Variants in KCND2 observed in about 807,000 individuals in gnomAD.
The protein encoded by KCND2 is potassium voltage-gated channel subfamily D member 2, also known as A-type voltage-gated potassium channel KCND2.
Under a neutral mutation model 54.4 loss-of-function variants are expected in KCND2, and 16 were observed. That is an observed-to-expected ratio of 0.29 (90% confidence interval 0.20 to 0.45). The LOEUF is 0.45. Among genes scored for constraint, KCND2 ranks in the 20% least tolerant of loss-of-function variants. KCND2 has a pLI of 1.00. For synonymous variants in KCND2, 317 were observed against 310.7 expected, an observed-to-expected ratio of 1.02 and a Z score of -0.21; for missense variants, 486 against 824.2, an observed-to-expected ratio of 0.59 and a Z score of 5.02.
At chr7:120,484,745 G>A (rs1325275391) in intron 1 of KCND2, among the ~76,000 whole-genome samples, 3 of 149,498 alleles carry the variant, frequency 2.0e-5, no homozygotes, top group Non-Finnish European at 3.0e-5. Flanking sequence ...AGAATTTCTT[G>A]TGTAATGAAG....
At chr7:120,665,689 C>T (rs1192639206) in intron 1 of KCND2, among the ~76,000 whole-genome samples, 1 of 152,016 alleles carries the variant, frequency 6.6e-6, no homozygotes, top group East Asian at 1.9e-4. Flanking sequence ...TTGTTAAAGT[C>T]ATTTAATTTA....
intron 1 of KCND2, among the ~76,000 whole-genome samples, chr7:120,392,420 A>G (rs1253264270): frequency 6.6e-6 from 1 of 151,178 alleles, no homozygotes; most frequent in African/African-American, 2.4e-5. Context: ...TCCATATAAA[A>G]TTTAAAGTAG....
chr7:120,313,451 ATAT>A lies in KCND2; in HGVS notation c.1115+37710_1115+37712del, dbSNP rs372179923. ...TTATTCAATTTTTTTGTGAAAAGAA[ATAT>A]TATTAAAATTTTAAAACTACATTGT... On this transcript the variant is annotated intron_variant, in intron 1 of 5. Coordinates refer to ENST00000331113, the MANE Select transcript of KCND2 (RefSeq NM_012281.3). Among the ~76,000 whole-genome samples, 44 of 152,306 alleles carry A rather than the reference ATAT, an allele frequency of 2.9e-4. No homozygotes were observed. In the East Asian group the frequency reaches 7.3e-3, roughly 25 times the overall value.
intron 1 of KCND2, among the ~76,000 whole-genome samples, chr7:120,281,566 T>G (rs1799264643): frequency 6.6e-6 from 1 of 152,154 alleles, no homozygotes; most frequent in African/African-American, 2.4e-5. Flanking sequence ...TTCAGCCCCC[T>G]AAGCAAGCCT....
chr7:120,415,147 T>C (rs73722597), intron 1 of KCND2, among the ~76,000 whole-genome samples: 1,642 of 152,294 alleles, frequency 0.011, 31 homozygotes, highest in African/African-American at 0.038. Flanking sequence ...CTATCAACAT[T>C]GCCATGTAAT....
At chr7:120,582,053 A>G (rs573345571) in intron 1 of KCND2, among the ~76,000 whole-genome samples, 1 of 152,278 alleles carries the variant, frequency 6.6e-6, no homozygotes, top group Non-Finnish European at 1.5e-5. Flanking sequence ...AAAAAGAAAG[A>G]AAACCTTCAG....
chr7:120,589,016 A>T (rs1194213284), intron 1 of KCND2, among the ~76,000 whole-genome samples: 1 of 152,202 alleles, frequency 6.6e-6, no homozygotes, highest in African/African-American at 2.4e-5. Context: ...ACATTAACCA[A>T]AAAAGCCAGA....
chr7:120,362,006 A>C (rs1218717374), intron 1 of KCND2, among the ~76,000 whole-genome samples: 4 of 152,078 alleles, frequency 2.6e-5, no homozygotes, highest in Non-Finnish European at 4.4e-5. Context: ...AAAGCTAAAA[A>C]ATTATAACCA....
At chr7:120,345,328 A>G (rs1342678437) in intron 1 of KCND2, among the ~76,000 whole-genome samples, 3 of 152,210 alleles carry the variant, frequency 2.0e-5, no homozygotes, top group African/African-American at 7.2e-5. Flanking sequence ...ATGTCTGTTC[A>G]TCACATAACT....
chr7:120,361,265 A>G (rs1393181489), intron 1 of KCND2, among the ~76,000 whole-genome samples: 1 of 152,034 alleles, frequency 6.6e-6, no homozygotes, highest in Non-Finnish European at 1.5e-5. Flanking sequence ...TCTAACCTAA[A>G]AATTCTCCTT....
At position 120,595,591 on chromosome 7, in the gene KCND2, G is replaced by GTA. The variant is rs58301382; in HGVS notation, c.1116-137291_1116-137290dup. Among the ~76,000 whole-genome samples, 418 of 131,866 alleles carry GTA rather than the reference G, an allele frequency of 3.2e-3. 4 individuals are homozygous for GTA. The highest frequency in any genetic ancestry group is 0.024 in the East Asian group (110 of 4,650). 86.5% of individuals were successfully genotyped at this position (131,866 alleles called of 152,430 possible). ...TGTGTGTATATATATGTGTGTGTGT[G>GTA]TATATATATATATATATATATACAC... On this transcript the variant is annotated intron_variant, in intron 1 of 5. Transcript: ENST00000331113.
rs375239098 is a variant in KCND2 at position 120,746,043 on chromosome 7, C to T, written c.1715+16C>T. 2.0e-5 allele frequency: 32 copies of T among 1,611,152 alleles called. No individual in the cohort carries two copies. Among genetic ancestry groups the T allele is most frequent in the Non-Finnish European group, 2.7e-5 (32 of 1,179,516 alleles). ...TGTCTAACAGGTACCTGAGATTAAT[C>T]TGTGTTGTCTACACACCTGTGCTGG... On this transcript the variant is annotated intron_variant, in intron 5 of 5. Coordinates refer to ENST00000331113, the MANE Select transcript of KCND2 (RefSeq NM_012281.3).
At chr7:120,650,767 T>C (rs1791722195) in intron 1 of KCND2, among the ~76,000 whole-genome samples, 1 of 143,696 alleles carries the variant, frequency 7.0e-6, no homozygotes, top group Non-Finnish European at 1.5e-5. Flanking sequence ...TGGTCTTTCA[T>C]GATGGTGATG....
chr7:120,520,564 A>G (rs1189884848), intron 1 of KCND2, among the ~76,000 whole-genome samples: 1 of 152,108 alleles, frequency 6.6e-6, no homozygotes, highest in Non-Finnish European at 1.5e-5. Context: ...AGAAATAAAA[A>G]GAGTATATGA....
chr7:120,401,836 A>G (rs766282111), intron 1 of KCND2, among the ~76,000 whole-genome samples: 5 of 151,990 alleles, frequency 3.3e-5, no homozygotes, highest in Non-Finnish European at 5.9e-5. Context: ...TTATTTTTCT[A>G]TCCTTTCTTT....
Position 120,535,586 on chromosome 7 carries a change from C to A in KCND2, c.1116-197317C>A, listed in dbSNP as rs139886244. ...CTGATGGAAAGAAGTTCCCAGAAGCCTGCCTCCCACTGCTGTGCTGTCATG... is the reference window on the plus strand; with the variant it reads ...CTGATGGAAAGAAGTTCCCAGAAGCATGCCTCCCACTGCTGTGCTGTCATG... On this transcript the variant is annotated intron_variant, in intron 1 of 5. Transcript: ENST00000331113. 8.0e-3 allele frequency among the ~76,000 whole-genome samples: 1,221 copies of A among 152,256 alleles called. 14 individuals carry two copies. Among genetic ancestry groups the A allele is most frequent in the African/African-American group, 0.028 (1,167 of 41,550 alleles).
chr7:120,278,188 C>T (rs1460961145), intron 1 of KCND2, among the ~76,000 whole-genome samples: 1 of 151,782 alleles, frequency 6.6e-6, no homozygotes, highest in Non-Finnish European at 1.5e-5. Context: ...ATGTATTGTA[C>T]CCTGAAGAAA....
At chr7:120,615,418 C>G (rs149955866) in intron 1 of KCND2, among the ~76,000 whole-genome samples, 1 of 152,152 alleles carries the variant, frequency 6.6e-6, no homozygotes, top group Non-Finnish European at 1.5e-5. Flanking sequence ...ATAAAGATTT[C>G]ACTATATAGC....
intron 1 of KCND2, among the ~76,000 whole-genome samples, chr7:120,325,605 A>T (rs980212308): frequency 3.3e-5 from 5 of 151,958 alleles, no homozygotes; most frequent in Non-Finnish European, 5.9e-5. Context: ...GATTACATTT[A>T]TTGATTTGCG....
Sources: gnomAD v4.1 joint callset for allele counts (sites outside exome capture counted in the v4.1 genomes callset) on GRCh38, gnomAD v4.1.1 for gene constraint, MANE v1.5 for transcripts, NCBI Gene and HGNC (gene_info 2026-07-23, HGNC 2026-07-21) for gene names.